The following RNF213 variants were observed in gnomAD, a reference collection of about 807,000 sequenced individuals.
The protein encoded by RNF213 is E3 ubiquitin-protein ligase RNF213.
In RNF213, 341 loss-of-function variants were observed where a neutral mutation model predicts 514.4. The observed-to-expected ratio is 0.66, with a 90% CI of 0.61 to 0.73. The LOEUF (loss-of-function observed/expected upper bound fraction) is 0.73. RNF213 is among the 30% of genes least tolerant of loss of function. The pLI is 0.00. For missense variants in RNF213, 5,767 were observed against 6,615.6 expected (o/e 0.87, Z 4.45); for synonymous variants, 2,655 against 2,658.2 (o/e 1.00, Z 0.04).
chr17:80,376,940 G>A lies in RNF213; in HGVS notation c.13487G>A (p.Gly4496Asp), dbSNP rs749259167. 1.9e-6 allele frequency: 3 copies of A among 1,614,040 alleles called. No homozygotes were observed. Among genetic ancestry groups the A allele is most frequent in the South Asian group, 2.2e-5 (2 of 91,072 alleles). Residue 4496 changes from glycine (G) to aspartate (D), a missense_variant, in exon 53 of 68, where the codon GGT (glycine) becomes GAT (aspartate). Gly to Asp is a moderately conservative substitution (Grantham distance 94, BLOSUM62 -1). This residue lies in a region of RNF213 where 1,245 missense variants were observed against 1,339.0 expected (regional missense o/e 0.93). Transcript: ENST00000582970. ...DLLAQARRWK[G>D]LERVHWYTCP... ...CTGGCTCAAGCTCGGAGGTGGAAGG[G>A]TCTGGAGCGAGTCCACTGGTACAGT...
At position 80,327,872 on chromosome 17, in the gene RNF213, G is replaced by T. The variant is rs1291083187; in HGVS notation, c.3250G>T (p.Val1084Phe). Residue 1084 changes from valine (V) to phenylalanine (F), a missense_variant, in exon 19 of 68, where the codon GTT (valine) becomes TTT (phenylalanine). Physicochemically the swap from Val to Phe is conservative, Grantham distance 50. This residue lies in a region of RNF213 where 516 missense variants were observed against 566.5 expected (regional missense o/e 0.91). Transcript: ENST00000582970. ...VTEDAKRLIA[V>F]ADSVLTKVVG... ...AGAGGATGCCAAGAGGCTGATAGCT[G>T]TTGCCGACTCTGTGTTGACGAAAGT... The T allele has an allele frequency of 1.0e-5, 16 of 1,537,154 alleles. No individual in the cohort carries two copies. The highest frequency in any genetic ancestry group is 4.9e-5 in the East Asian group (2 of 40,930).
intron 67 of RNF213, among the ~76,000 whole-genome samples, chr17:80,393,119 T>C (rs893023759): frequency 1.1e-4 from 17 of 151,896 alleles, no homozygotes; most frequent in African/African-American, 3.9e-4. Context: ...CTTCGGACTA[T>C]AGGCATACAC....
intron 14 of RNF213, among the ~76,000 whole-genome samples, chr17:80,310,735 C>T (rs1568046501): frequency 6.6e-6 from 1 of 151,788 alleles, no homozygotes; most frequent in Non-Finnish European, 1.5e-5. Context: ...TATTTTTAGT[C>T]GAGACAGGAT....
chr17:80,347,443 T>A lies in RNF213; in HGVS notation c.9108T>A (p.Asp3036Glu), dbSNP rs2078349809. The change falls in exon 29 of 68, where the codon GAT becomes GAA. Residue 3036 changes from aspartate (D) to glutamate (E), a missense_variant. By Grantham distance (45) the Asp-to-Glu change is conservative. This residue lies in a region of RNF213 where 919 missense variants were observed against 1,121.0 expected (regional missense o/e 0.82). Transcript: ENST00000582970. This position sits in a 1 kb window ranked among gnomAD's most constrained non-coding sequence, Gnocchi z 7.2. ...AGGTGCCGGGTGGAGAGCAGGAAGA[T>A]GCTGAGTCCCGCTACTTACTCGTGC... ...SQKVPGGEQEDAESRYLLVLT... is the reference protein window; with the variant it reads ...SQKVPGGEQEEAESRYLLVLT... The A allele has an allele frequency of 1.2e-6, 2 of 1,614,042 alleles. No homozygotes were observed. The highest frequency in any genetic ancestry group is 1.7e-6 in the Non-Finnish European group (2 of 1,180,020).
intron 15 of RNF213, chr17:80,315,740 T>A (rs1056487115): frequency 9.1e-5 from 4 of 43,998 alleles, no homozygotes; most frequent in South Asian, 7.8e-4. Context: ...GAGGTGATGG[T>A]GGTGGTGGTG....
At chr17:80,356,986 T>C (rs965259053) in intron 36 of RNF213, among the ~76,000 whole-genome samples, 9 of 151,722 alleles carry the variant, frequency 5.9e-5, no homozygotes, top group African/African-American at 1.7e-4. Flanking sequence ...ATGGCGCGAT[T>C]TTGGCTCACT....
intron 62 of RNF213, 25 bp downstream of exon 62, chr17:80,386,455 T>G (rs1426797756): frequency 6.2e-7 from 1 of 1,612,868 alleles, no homozygotes; most frequent in South Asian, 1.1e-5. Flanking sequence ...CACCAGGAAG[T>G]GGTGCCTGCT....
At chr17:80,265,973 A>G (rs2043598679) in intron 2 of RNF213, among the ~76,000 whole-genome samples, 1 of 152,142 alleles carries the variant, frequency 6.6e-6, no homozygotes, top group Admixed American at 6.5e-5. Flanking sequence ...TGGGATGGGG[A>G]CATGGGAAGC....
In RNF213 at chr17:80,376,513, G is replaced by T. The variant is rs984997501; in HGVS notation, c.13398G>T (p.Lys4466Asn). 2 of 1,614,106 alleles carry T rather than the reference G, an allele frequency of 1.2e-6. No individual in the cohort carries two copies. Residue 4466 changes from lysine to asparagine, a missense_variant, in exon 52 of 68, where the codon AAG (lysine) becomes AAT (asparagine). By Grantham distance (94) the Lys-to-Asn change is moderately conservative. Coordinates refer to ENST00000582970, the MANE Select transcript of RNF213 (RefSeq NM_001256071.3). ...CGQNELLEPL[K>N]NLAFSPATMA... Reference sequence around the variant, plus strand: ...AGAATGAACTCTTGGAGCCCCTAAAGAATCTGGCCTTCTCCCCAGCCACCA... The same window carrying T: ...AGAATGAACTCTTGGAGCCCCTAAATAATCTGGCCTTCTCCCCAGCCACCA...
chr17:80,290,223 G>A (rs2044642085), intron 6 of RNF213, among the ~76,000 whole-genome samples: 1 of 152,380 alleles, frequency 6.6e-6, no homozygotes, highest in Admixed American at 6.5e-5. Context: ...TGTGTCACAC[G>A]TGGACGTGCT....
chr17:80,390,700 A>G (rs772975554), intron 67 of RNF213, among the ~76,000 whole-genome samples: 1 of 99,028 alleles, frequency 1.0e-5, no homozygotes, highest in African/African-American at 4.5e-5. Context: ...ACCCAGCCTA[A>G]AAGTCATATA....
intron 17 of RNF213, chr17:80,319,903 C>T (rs2046081675): frequency 1.9e-6 from 2 of 1,065,854 alleles, no homozygotes; most frequent in South Asian, 3.1e-5. Context: ...AGCCTTGCGG[C>T]CACAGGGGAA....
chr17:80,375,656 T>TCATGC (rs2079723090), intron 50 of RNF213, 104 bp from the exon 51 acceptor site: 4 of 795,636 alleles, frequency 5.0e-6, no homozygotes, highest in Non-Finnish European at 6.6e-6. Flanking sequence ...TGAGCCGAGA[T>TCATGC]CATGCCACTG....
At chr17:80,338,113 C>G (rs957921306) in intron 25 of RNF213, 116 bp downstream of exon 25, 7 of 1,287,600 alleles carry the variant, frequency 5.4e-6, no homozygotes, top group Non-Finnish European at 7.5e-6. Context: ...ATAAGAAGGG[C>G]TCTGCTCTTA....
At chr17:80,361,659 C>T in intron 38 of RNF213, 75 bp from the exon 39 acceptor site, 2 of 1,568,690 alleles carry the variant, frequency 1.3e-6, no homozygotes, top group Non-Finnish European at 1.7e-6. Context: ...CCCCTTCACT[C>T]CGGAGCCCCC....
In RNF213 at chr17:80,311,105, A is replaced by G. The variant is rs1268766974; in HGVS notation, c.2656-1907A>G. On this transcript the variant is annotated intron_variant, in intron 14 of 67. Coordinates refer to ENST00000582970, the MANE Select transcript of RNF213 (RefSeq NM_001256071.3). The stretch of plus-strand genomic sequence containing the variant: ...GTCAGTTACTTAGGATTTATTTTCT[A>G]CAGAAATAACTATCTTAAATGTTGG... 2.0e-4 allele frequency among the ~76,000 whole-genome samples: 30 copies of G among 152,322 alleles called. No individual in the cohort carries two copies. The East Asian group carries it at 2.5e-3, about 13-fold the overall frequency.
rs2043880603 is a variant in RNF213 at position 80,273,102 on chromosome 17, A to G, written c.98-139A>G. ...CTGGAGCAGAACCCCTACCCTGCTC[A>G]TGTTAGCAGGCCCAATGCAGGACCT... On this transcript the variant is annotated intron_variant, in intron 2 of 67. Coordinates refer to ENST00000582970, the MANE Select transcript of RNF213 (RefSeq NM_001256071.3). The G allele has an allele frequency of 4.4e-6, 5 of 1,144,536 alleles. No individual in the cohort carries two copies. In the South Asian group the frequency reaches 5.0e-5, roughly 11 times the overall value. 70.9% of individuals were successfully genotyped at this position (1,144,536 alleles called of 1,614,324 possible).
intron 11 of RNF213, among the ~76,000 whole-genome samples, chr17:80,305,683 C>T (rs2045333569): frequency 6.6e-6 from 1 of 151,360 alleles, no homozygotes; most frequent in African/African-American, 2.4e-5. Flanking sequence ...GTGATCTCGG[C>T]TCACTGCAAT....
chr17:80,312,445 G>A (rs1185660014), intron 14 of RNF213, among the ~76,000 whole-genome samples: 1 of 150,644 alleles, frequency 6.6e-6, no homozygotes, highest in East Asian at 2.0e-4. Context: ...CGGGTCAGGA[G>A]CCTGGCTGTG....
Sources: allele counts gnomAD v4.1 joint callset (sites outside exome capture counted in the v4.1 genomes callset), GRCh38; gene constraint gnomAD v4.1.1; regional missense constraint gnomAD v4.1.1; non-coding constraint Gnocchi (gnomAD v3.1); transcripts MANE v1.5; gene names NCBI Gene and HGNC (gene_info 2026-07-23, HGNC 2026-07-21).